Variants in SCHIP1 observed in about 807,000 individuals in gnomAD.
SCHIP1 encodes schwannomin-interacting protein 1.
SCHIP1 carries 8 observed loss-of-function variants against 29.7 expected under a neutral mutation model. The ratio of observed to expected loss-of-function variants is 0.27; its 90% CI spans 0.16 to 0.49. The LOEUF is 0.49. Among genes scored for constraint, SCHIP1 ranks in the 20% least tolerant of loss-of-function variants. The pLI is 0.99. For missense variants in SCHIP1, 193 were observed against 294.6 expected, an observed-to-expected ratio of 0.66 and a Z score of 2.52; for synonymous variants, 76 against 94.9, an observed-to-expected ratio of 0.80 and a Z score of 1.16.
chr3:159,412,856 G>A, the SCHIP1 span, among the ~76,000 whole-genome samples: 2 of 152,202 alleles, frequency 1.3e-5, no homozygotes, highest in Non-Finnish European at 2.9e-5. Context: ...GGATGTCAGA[G>A]CAGGTCTGGA....
chr3:159,468,555 CAT>C, the SCHIP1 span, among the ~76,000 whole-genome samples: 12 of 151,274 alleles, frequency 7.9e-5, no homozygotes, highest in African/African-American at 2.9e-4. Context: ...CCTCATTTTA[CAT>C]ATGAGTGAAC....
chr3:159,284,587 A>T, the SCHIP1 span, among the ~76,000 whole-genome samples: 3 of 152,048 alleles, frequency 2.0e-5, no homozygotes, highest in Admixed American at 2.0e-4. Context: ...TTCCCGGGTT[A>T]AAACGATTCT....
the SCHIP1 span, among the ~76,000 whole-genome samples, chr3:159,423,472 C>G: frequency 5.9e-5 from 9 of 152,206 alleles, no homozygotes; most frequent in South Asian, 4.1e-4. Flanking sequence ...AGAAGTCTGA[C>G]ATCAAACTGC....
At chr3:159,380,530 TTATTA>T in the SCHIP1 span, among the ~76,000 whole-genome samples, 3 of 151,264 alleles carry the variant, frequency 2.0e-5, no homozygotes, top group Non-Finnish European at 3.0e-5. Flanking sequence ...ACTAGTACCA[TTATTA>T]TATTAACATA....
intron 1 of SCHIP1, chr3:159,845,795 A>G (rs1003762101): frequency 2.0e-5 from 3 of 152,150 alleles, no homozygotes; most frequent in African/African-American, 7.2e-5. Context: ...ACTTTATGCA[A>G]TTGTTGATGT....
the SCHIP1 span, among the ~76,000 whole-genome samples, chr3:159,696,904 G>A: frequency 4.6e-5 from 7 of 152,200 alleles, no homozygotes; most frequent in African/African-American, 1.7e-4. Flanking sequence ...AGAAAGGTAG[G>A]GCACTGGCAA....
chr3:159,382,699 T>A, the SCHIP1 span, among the ~76,000 whole-genome samples: 17 of 151,690 alleles, frequency 1.1e-4, no homozygotes, highest in Non-Finnish European at 2.1e-4. Flanking sequence ...TCCACAATGG[T>A]TGAACTAGTT....
chr3:159,889,872 A>G (rs1424896381), intron 5 of SCHIP1, among the ~76,000 whole-genome samples: 1 of 152,134 alleles, frequency 6.6e-6, no homozygotes, highest in African/African-American at 2.4e-5. Context: ...CGAGGTGGGC[A>G]GATCACGAGG....
the SCHIP1 span, among the ~76,000 whole-genome samples, chr3:159,453,864 A>G: frequency 3.6e-4 from 54 of 152,074 alleles, no homozygotes; most frequent in Non-Finnish European, 6.6e-4. Flanking sequence ...ATTCTAGCCC[A>G]CTGAACGCTA....
At chr3:159,744,906 A>G in the SCHIP1 span, among the ~76,000 whole-genome samples, 1 of 151,942 alleles carries the variant, frequency 6.6e-6, no homozygotes, top group Admixed American at 6.6e-5. Flanking sequence ...AATGGTGTGA[A>G]CCCAGGCGGA....
the SCHIP1 span, among the ~76,000 whole-genome samples, chr3:159,734,135 CT>C: frequency 0.15 from 15,139 of 101,030 alleles, 563 homozygotes; most frequent in African/African-American, 0.27. Flanking sequence ...TTATTGTTTA[CT>C]TTTTTTTTTT....
chr3:159,386,698 T>C, the SCHIP1 span: 55,547 of 152,140 alleles, frequency 0.37, 11,544 homozygotes, highest in East Asian at 0.5. Flanking sequence ...AACAGATATA[T>C]AGAGCATTTT....
chr3:159,368,176 T>A, the SCHIP1 span, among the ~76,000 whole-genome samples: 1 of 152,232 alleles, frequency 6.6e-6, no homozygotes, highest in East Asian at 1.9e-4. Flanking sequence ...CTCCTGTTGT[T>A]TGCCATATTC....
chr3:159,464,676 T>C, the SCHIP1 span, among the ~76,000 whole-genome samples: 1 of 152,168 alleles, frequency 6.6e-6, no homozygotes, highest in East Asian at 1.9e-4. Flanking sequence ...AGGGCCACGT[T>C]AACACCATTT....
the SCHIP1 span, among the ~76,000 whole-genome samples, chr3:159,501,796 T>G: frequency 6.6e-6 from 1 of 152,342 alleles, no homozygotes; most frequent in African/African-American, 2.4e-5. Flanking sequence ...GACTAGTACT[T>G]TATGTTATTT....
At chr3:159,655,510 C>A in the SCHIP1 span, among the ~76,000 whole-genome samples, 1 of 152,100 alleles carries the variant, frequency 6.6e-6, no homozygotes, top group Non-Finnish European at 1.5e-5. Flanking sequence ...ACACTTAAGT[C>A]CCTGGTCCTT....
At chr3:159,762,905 C>T in the SCHIP1 span, among the ~76,000 whole-genome samples, 1 of 152,244 alleles carries the variant, frequency 6.6e-6, no homozygotes, top group Non-Finnish European at 1.5e-5. Flanking sequence ...ATATCTACCT[C>T]TTCCCCTCCT....
the SCHIP1 span, among the ~76,000 whole-genome samples, chr3:159,762,361 C>A: frequency 1.3e-5 from 2 of 152,260 alleles, no homozygotes; most frequent in Admixed American, 1.3e-4. Flanking sequence ...ACAGGAGAGT[C>A]GTGCCTCACA....
chr3:159,549,867 G>A, the SCHIP1 span, among the ~76,000 whole-genome samples: 1 of 151,910 alleles, frequency 6.6e-6, no homozygotes, highest in South Asian at 2.1e-4. Flanking sequence ...CCAACTTCAG[G>A]TTGTTGCTTT....
Sources: gnomAD v4.1 joint callset for allele counts (sites outside exome capture counted in the v4.1 genomes callset) on GRCh38, gnomAD v4.1.1 for gene constraint, MANE v1.5 for transcripts, NCBI Gene and HGNC (gene_info 2026-07-23, HGNC 2026-07-21) for gene names.